The following STK3 variants were observed in gnomAD, a reference collection of about 807,000 sequenced individuals.
STK3 encodes serine/threonine-protein kinase 3.
Under a neutral mutation model 58.0 loss-of-function variants are expected in STK3, and 41 were observed. The ratio of observed to expected loss-of-function variants is 0.71; its 90% CI spans 0.55 to 0.92. STK3 has a LOEUF of 0.92. STK3 is among the 40% of genes least tolerant of loss of function. The probability of loss-of-function intolerance (pLI) is 0.00; values close to 1 mark genes in which losing one functional copy is unlikely to be tolerated. For synonymous variants in STK3, 170 were observed against 191.0 expected (o/e 0.89, Z 0.91); for missense variants, 479 against 602.7 (o/e 0.79, Z 2.15).
chr8:98,731,445 C>A (rs534594502), intron 4 of STK3, among the ~76,000 whole-genome samples: 1 of 152,108 alleles, frequency 6.6e-6, no homozygotes, highest in South Asian at 2.1e-4. Flanking sequence ...GGGGGCCGGG[C>A]GCAGTGGCTC....
intron 6 of STK3, among the ~76,000 whole-genome samples, chr8:98,653,892 T>C (rs1445021626): frequency 6.6e-6 from 1 of 152,218 alleles, no homozygotes; most frequent in African/African-American, 2.4e-5. Context: ...ACAGCCTAAT[T>C]CTACCAGAGG....
At chr8:98,449,329 C>G (rs938894055) in intron 1 of STK3, among the ~76,000 whole-genome samples, 4 of 152,100 alleles carry the variant, frequency 2.6e-5, no homozygotes, top group African/African-American at 9.7e-5. Flanking sequence ...GTGGAAGAAC[C>G]CATGCCTCCA....
chr8:98,383,325 G>A (rs1817757632), intron 1 of STK3, among the ~76,000 whole-genome samples: 1 of 152,156 alleles, frequency 6.6e-6, no homozygotes, highest in Non-Finnish European at 1.5e-5. Context: ...TTTTATGAAA[G>A]CCCATGCATT....
intron 4 of STK3, among the ~76,000 whole-genome samples, chr8:98,714,270 T>C (rs1248600025): frequency 1.3e-5 from 2 of 152,192 alleles, no homozygotes; most frequent in Non-Finnish European, 1.5e-5. Context: ...GTGTTGAAAG[T>C]TCTGGTCAGG....
chr8:98,365,542 A>C, the STK3 span, among the ~76,000 whole-genome samples: 1 of 152,322 alleles, frequency 6.6e-6, no homozygotes, highest in Middle Eastern at 3.4e-3. Flanking sequence ...AAATGAACAC[A>C]TGCTTACTTG....
intron 6 of STK3, among the ~76,000 whole-genome samples, chr8:98,677,286 C>T (rs563633889): frequency 1.3e-5 from 2 of 152,140 alleles, no homozygotes; most frequent in African/African-American, 4.8e-5. Flanking sequence ...CTCCTCATGC[C>T]ATTAAAATCT....
At chr8:98,366,946 C>T (rs1384165753), downstream of STK3, among the ~76,000 whole-genome samples, 1 of 152,224 alleles carries the variant, frequency 6.6e-6, no homozygotes, top group East Asian at 1.9e-4. Flanking sequence ...AAGTCAATGC[C>T]TATTTTGCCA....
intron 1 of STK3, among the ~76,000 whole-genome samples, chr8:98,919,467 A>T (rs1839471540): frequency 6.6e-6 from 1 of 152,194 alleles, no homozygotes; most frequent in African/African-American, 2.4e-5. Context: ...TTAAAAAAAA[A>T]TCAGAACAAT....
chr8:98,655,345 T>G (rs887690378), intron 6 of STK3, among the ~76,000 whole-genome samples: 2 of 152,144 alleles, frequency 1.3e-5, no homozygotes, highest in Non-Finnish European at 2.9e-5. Context: ...CAAGATGGAT[T>G]AAAGACTTAC....
intron 6 of STK3, among the ~76,000 whole-genome samples, chr8:98,635,654 T>C (rs1819560514): frequency 6.6e-6 from 1 of 152,326 alleles, no homozygotes; most frequent in South Asian, 2.1e-4. Flanking sequence ...TTGAGTTTAC[T>C]GATCAGAAAC....
intron 3 of STK3, among the ~76,000 whole-genome samples, chr8:98,871,868 T>G (rs575859993): frequency 6.6e-6 from 1 of 152,328 alleles, no homozygotes; most frequent in East Asian, 1.9e-4. Flanking sequence ...GGCCAGAACT[T>G]CCAACACTGT....
At chr8:98,809,455 T>G (rs1587677937) in intron 1 of STK3, among the ~76,000 whole-genome samples, 1 of 152,242 alleles carries the variant, frequency 6.6e-6, no homozygotes, top group South Asian at 2.1e-4. Flanking sequence ...GTAGAAAAAG[T>G]TTTTTATCAT....
upstream of STK3, among the ~76,000 whole-genome samples, chr8:98,389,473 C>A (rs543999815): frequency 2.0e-5 from 3 of 152,124 alleles, no homozygotes; most frequent in African/African-American, 7.2e-5. Context: ...TTAACAGTCA[C>A]GAAAACACAA....
intron 1 of STK3, among the ~76,000 whole-genome samples, chr8:98,783,366 C>T (rs1160130198): frequency 1.3e-5 from 2 of 152,116 alleles, no homozygotes; most frequent in African/African-American, 4.8e-5. Flanking sequence ...GCATTATATG[C>T]CTGTATCAAA....
chr8:98,449,120 G>T (rs73273977), intron 1 of STK3, among the ~76,000 whole-genome samples: 2,084 of 152,236 alleles, frequency 0.014, 46 homozygotes, highest in African/African-American at 0.048. Context: ...CCTTCCAGAA[G>T]AAGAAGAAGA....
At chr8:98,599,555 AACT>A (rs1816153375) in intron 6 of STK3, among the ~76,000 whole-genome samples, 1 of 152,192 alleles carries the variant, frequency 6.6e-6, no homozygotes, top group Admixed American at 6.5e-5. Flanking sequence ...CTGGCACTCT[AACT>A]GCCTAGCAAT....
rs886733322 is a variant in STK3 at position 98,856,138 on chromosome 8, A to G, written c.110+27509T>C. Among the ~76,000 whole-genome samples the G allele has an allele frequency of 4.1e-5, 6 of 146,398 alleles. No homozygotes were observed. In the South Asian group the frequency reaches 1.4e-3, roughly 34 times the overall value. ...CCACTGCACTCCAACTTGGGCGAAA[A>G]GAGAGAGACTCCATCTCAAAAAAAA... On this transcript the variant is annotated intron_variant, in intron 3 of 12. Coordinates refer to the STK3 transcript ENST00000523601.
chr8:98,905,067 G>T (rs1371474710), intron 1 of STK3: 5 of 1,108,288 alleles, frequency 4.5e-6, no homozygotes, highest in Non-Finnish European at 6.9e-6. Context: ...GGTGTAAGGC[G>T]TGTGAACTGC....
the STK3 span, among the ~76,000 whole-genome samples, chr8:98,361,223 G>A: frequency 6.6e-6 from 1 of 152,150 alleles, no homozygotes; most frequent in East Asian, 1.9e-4. Flanking sequence ...CTTCATGCTG[G>A]GAGTTTAAGG....
Sources: gnomAD v4.1 joint callset for allele counts (sites outside exome capture counted in the v4.1 genomes callset) on GRCh38, gnomAD v4.1.1 for gene constraint, MANE v1.5 for transcripts, NCBI Gene and HGNC (gene_info 2026-07-23, HGNC 2026-07-21) for gene names.